Variants in GNAI2 observed in about 807,000 individuals in gnomAD.
GNAI2 encodes G protein subunit alpha i2.
Under a neutral mutation model 36.8 loss-of-function variants are expected in GNAI2, and 4 were observed. The observed-to-expected ratio is 0.11, with a 90% CI of 0.05 to 0.25. The LOEUF is 0.25. Among genes scored for constraint, GNAI2 ranks in the 10% least tolerant of loss-of-function variants. The pLI is 1.00. For missense variants in GNAI2, 230 were observed against 481.3 expected (o/e 0.48, Z 4.89); for synonymous variants, 194 against 194.1 (o/e 1.00, Z 0.01).
rs1700236198 is a variant in GNAI2, at chr3:50,238,601, G to C, written c.118+2148G>C. On this transcript the variant is annotated intron_variant, in intron 1 of 8. Transcript: ENST00000313601. This position sits in a 1 kb window ranked among gnomAD's most constrained non-coding sequence, Gnocchi z 5.0. ...AGTGCCCCAGGTCAGGATGGGGAGG[G>C]AGAACAAGAGCCTCCTGGTGGTTCT... Among the ~76,000 whole-genome samples, 1 of 152,244 alleles carries C rather than the reference G, an allele frequency of 6.6e-6. No homozygotes were observed. Among genetic ancestry groups the C allele is most frequent in the African/African-American group, 2.4e-5 (1 of 41,468 alleles).
intron 6 of GNAI2, 31 bp downstream of exon 6, chr3:50,256,883 G>A: frequency 6.2e-7 from 1 of 1,613,754 alleles, no homozygotes; most frequent in Non-Finnish European, 8.5e-7. Flanking sequence ...TGCGGGTGGG[G>A]GCAGCGGGCT....
At chr3:50,257,783 T>C in intron 8 of GNAI2, 69 bp downstream of exon 8, 1 of 463,732 alleles carries the variant, frequency 2.2e-6, no homozygotes, top group Non-Finnish European at 3.5e-6. Context: ...AGCAGGGGGT[T>C]CTGGGGGTGG....
chr3:50,237,339 T>C (rs1337289895), intron 1 of GNAI2, among the ~76,000 whole-genome samples: 1 of 152,052 alleles, frequency 6.6e-6, no homozygotes, highest in Non-Finnish European at 1.5e-5. Flanking sequence ...CGAAGGCCAG[T>C]CTGGGAAGTA....
chr3:50,257,317 C>T (rs1299165587), intron 7 of GNAI2, among the ~76,000 whole-genome samples, 183 bp from the exon 8 acceptor site: 1 of 152,222 alleles, frequency 6.6e-6, no homozygotes, highest in African/African-American at 2.4e-5. Flanking sequence ...CATCCTCCTT[C>T]ACACAGTGGG....
Position 50,252,786 on chromosome 3 carries a change from C to T in GNAI2, c.304-238C>T, listed in dbSNP as rs1553702717. 6.6e-6 allele frequency among the ~76,000 whole-genome samples: 1 copy of T among 152,202 alleles called. No homozygotes were observed. Among genetic ancestry groups the T allele is most frequent in the Non-Finnish European group, 1.5e-5 (1 of 68,020 alleles). On this transcript the variant is annotated intron_variant, in intron 3 of 8. Transcript: ENST00000313601. This position sits in a 1 kb window ranked among gnomAD's most constrained non-coding sequence, Gnocchi z 4.1. ...GGCTGAAGCAGGAGAATTGCTTGAA[C>T]CCGGGAGGCAGAGGATGCAGTGAGC...
intron 1 of GNAI2, chr3:50,247,205 G>A: frequency 1.6e-6 from 1 of 630,900 alleles, no homozygotes; most frequent in Non-Finnish European, 2.8e-6. Flanking sequence ...GAAGGAGACA[G>A]CGTTGTCCCA....
At position 50,236,457 on chromosome 3, in the gene GNAI2, A is replaced by G; in HGVS notation, c.118+4A>G. ...GAGGTGAAGTTGCTGCTGTTGGGTG[A>G]GGCCGCGTCCCGCACTGGGATCCTT... On this transcript the variant is annotated splice_donor_region_variant and intron_variant, in intron 1 of 8. Coordinates refer to ENST00000313601, the MANE Select transcript of GNAI2 (RefSeq NM_002070.4). This position sits in a 1 kb window ranked among gnomAD's most constrained non-coding sequence, Gnocchi z 4.0. 6.4e-7 allele frequency: 1 copy of G among 1,574,516 alleles called. No individual in the cohort carries two copies. The highest frequency in any genetic ancestry group is 1.4e-5 in the African/African-American group (1 of 71,586).
intron 1 of GNAI2, among the ~76,000 whole-genome samples, chr3:50,251,033 A>T (rs1700545727): frequency 6.6e-6 from 1 of 150,852 alleles, no homozygotes; most frequent in African/African-American, 2.4e-5. Flanking sequence ...CTGGTCTCGA[A>T]CTCCTGACCT....
At position 50,253,005 on chromosome 3, in the gene GNAI2, C is replaced by G; in HGVS notation, c.304-19C>G. ...GGGTACATTCCTTCAACTGCCTGACCACCCGCCACTGTGCCCAGGACGACG... is the reference window on the plus strand; with the variant it reads ...GGGTACATTCCTTCAACTGCCTGACGACCCGCCACTGTGCCCAGGACGACG... On this transcript the variant is annotated intron_variant, in intron 3 of 8. Transcript: ENST00000313601. The surrounding 1 kb of genome is among the most constrained non-coding windows in gnomAD (Gnocchi z 4.2). 6.4e-7 allele frequency: 1 copy of G among 1,565,564 alleles called. No homozygotes were observed. The highest frequency in any genetic ancestry group is 8.7e-7 in the Non-Finnish European group (1 of 1,146,990).
At chr3:50,248,151 CTTGAACCGGGAGGCAGAGG>C (rs1188898112) in intron 1 of GNAI2, among the ~76,000 whole-genome samples, 2 of 152,196 alleles carry the variant, frequency 1.3e-5, no homozygotes, top group Non-Finnish European at 1.5e-5. Context: ...AGGAGAATTG[CTTGAACCGGGAGGCAGAGG>C]TTGAACCGGG....
In GNAI2 at chr3:50,236,548, C is replaced by A; in HGVS notation, c.118+95C>A. 1 of 1,473,460 alleles carries A rather than the reference C, an allele frequency of 6.8e-7. No individual in the cohort carries two copies. Among genetic ancestry groups the A allele is most frequent in the Non-Finnish European group, 8.9e-7 (1 of 1,117,850 alleles). 91.3% of individuals were successfully genotyped at this position (1,473,460 alleles called of 1,614,324 possible). A position where few individuals can be genotyped will look rare whatever the true frequency, so the allele number is the denominator to read the frequency against. On this transcript the variant is annotated intron_variant, in intron 1 of 8. Transcript: ENST00000313601. This position sits in a 1 kb window ranked among gnomAD's most constrained non-coding sequence, Gnocchi z 4.0. ...CAGACTAGGGCTTCAAACTCCCAGA[C>A]CCGGGCTGTCTGGGACCCCACACCT...
chr3:50,252,490 C>T lies in GNAI2; in HGVS notation c.255C>T (p.Val85=). 1 of 1,613,396 alleles carries T rather than the reference C, an allele frequency of 6.2e-7. No individual in the cohort carries two copies. The highest frequency in any genetic ancestry group is 8.5e-7 in the Non-Finnish European group (1 of 1,179,544). ...SNTIQSIMAI[V]KAMGNLQIDF... is the part of the protein sequence containing the mutation. ...CCATCCAGTCCATCATGGCCATTGT[C>T]AAAGCCATGGGCAACCTGCAGATCG... Residue 85 remains valine, a synonymous_variant, in exon 3 of 9, where the codon GTC becomes GTT. Transcript: ENST00000313601. The surrounding 1 kb of genome is among the most constrained non-coding windows in gnomAD (Gnocchi z 4.1).
In GNAI2 at chr3:50,238,230, A is replaced by C. The variant is rs941593648; in HGVS notation, c.118+1777A>C. ...CCGGTACCGCTGCCTCCCAGTGCCC[A>C]GCCAGGAGTCTCTAGACAGCCTCTC... On this transcript the variant is annotated intron_variant, in intron 1 of 8. Transcript: ENST00000313601. The surrounding 1 kb of genome is among the most constrained non-coding windows in gnomAD (Gnocchi z 5.0). 6.6e-6 allele frequency: 1 copy of C among 152,210 alleles called. No homozygotes were observed. The highest frequency in any genetic ancestry group is 1.5e-5 in the Non-Finnish European group (1 of 68,042). The allele number at this position is 152,210 out of a possible 1,614,324, so 9.4% of individuals were successfully genotyped here.
At chr3:50,257,219 G>A in intron 7 of GNAI2, 129 bp downstream of exon 7, 1 of 771,632 alleles carries the variant, frequency 1.3e-6, no homozygotes, top group Non-Finnish European at 2.1e-6. Flanking sequence ...GCAGGGGCTG[G>A]TGCCTCACTT....
chr3:50,236,515 T>C lies in GNAI2; in HGVS notation c.118+62T>C. ...AGCTCGAATCCCCAGACAAGGACTTTGACCTCCCAGACTAGGGCTTCAAAC... is the reference window on the plus strand; with the variant it reads ...AGCTCGAATCCCCAGACAAGGACTTCGACCTCCCAGACTAGGGCTTCAAAC... On this transcript the variant is annotated intron_variant, in intron 1 of 8. Transcript: ENST00000313601. The surrounding 1 kb of genome is among the most constrained non-coding windows in gnomAD (Gnocchi z 4.0). 1.9e-6 allele frequency: 3 copies of C among 1,544,536 alleles called. No individual in the cohort carries two copies. Among genetic ancestry groups the C allele is most frequent in the Admixed American group, 4.2e-5 (2 of 47,332 alleles).
rs188823486 is a variant in GNAI2 at position 50,258,802 on chromosome 3, A to C, written c.*459A>C. On this transcript the variant is annotated 3_prime_UTR_variant, in exon 9 of 9. Coordinates refer to ENST00000313601, the MANE Select transcript of GNAI2 (RefSeq NM_002070.4). ...CCAACCCCAGCCGCTCGGAGGCCCC[A>C]AAGGAAAAAGCACAAGAAGCGTGAG... The C allele has an allele frequency of 0.013, 5,452 of 407,288 alleles. 561 individuals carry two copies. The Admixed American group carries it at 0.17, about 13-fold the overall frequency. 25.2% of individuals were successfully genotyped at this position (407,288 alleles called of 1,614,324 possible).
chr3:50,256,687 C>T (rs1575456852), intron 5 of GNAI2, 36 bp from the exon 6 acceptor site: 2 of 1,607,504 alleles, frequency 1.2e-6, no homozygotes, highest in Non-Finnish European at 1.7e-6. Flanking sequence ...CTCCCCCAGG[C>T]TCCCTTCCTG....
At position 50,257,501 on chromosome 3, in the gene GNAI2, G is replaced by A. The variant is rs143863348; in HGVS notation, c.879G>A (p.Gly293=). 12 of 1,553,748 alleles carry A rather than the reference G, an allele frequency of 7.7e-6. No homozygotes were observed. Among genetic ancestry groups the A allele is most frequent in the Admixed American group, 5.7e-5 (3 of 53,008 alleles). Residue 293 remains glycine (G), a splice_region_variant and synonymous_variant, in exon 8 of 9, where the codon GGG becomes GGA. Transcript: ENST00000313601. ...AAGTCTTCATTTTCTCTCCCCCAGG[G>A]GCCAACAAATATGATGAGGCAGCCA... ...PLTICFPEYT[G]ANKYDEAASY... is the part of the protein sequence containing the mutation.
Position 50,257,627 on chromosome 3 carries a change from C to T in GNAI2, c.1005C>T (p.Phe335=), listed in dbSNP as rs781851724. The T allele has an allele frequency of 1.6e-5, 25 of 1,609,154 alleles. No individual in the cohort carries two copies. Among genetic ancestry groups the T allele is most frequent in the Admixed American group, 8.4e-5 (5 of 59,442 alleles). The change falls in exon 8 of 9, where the codon TTC becomes TTT. Residue 335 remains phenylalanine (F), a synonymous_variant. Transcript: ENST00000313601. ...CCACCGACACCAAGAACGTGCAGTT[C>T]GTGTTTGACGCCGTCACCGATGTCA... ...TCATDTKNVQ[F]VFDAVTDVII...
Sources: gnomAD v4.1 joint callset for allele counts (sites outside exome capture counted in the v4.1 genomes callset) on GRCh38, gnomAD v4.1.1 for gene constraint, Gnocchi (gnomAD v3.1) non-coding constraint, MANE v1.5 for transcripts, NCBI Gene and HGNC (gene_info 2026-07-23, HGNC 2026-07-21) for gene names.